The following FHIT variants were observed in gnomAD, a reference collection of about 807,000 sequenced individuals.
FHIT encodes fragile histidine triad diadenosine triphosphatase, also known as bis(5'-adenosyl)-triphosphatase.
FHIT carries 19 observed loss-of-function variants against 17.9 expected under a neutral mutation model. The ratio of observed to expected loss-of-function variants is 1.06; its 90% CI spans 0.74 to 1.56. FHIT has a LOEUF of 1.56. Among genes scored for constraint, FHIT ranks in the 40% most tolerant of loss-of-function variants. The pLI is 0.00. For synonymous variants in FHIT, 81 were observed against 69.7 expected (o/e 1.16, Z -0.81); for missense variants, 248 against 189.2 (o/e 1.31, Z -1.82).
intron 3 of FHIT, among the ~76,000 whole-genome samples, chr3:60,920,998 T>A (rs749799451): frequency 6.6e-6 from 1 of 152,210 alleles, no homozygotes; most frequent in African/African-American, 2.4e-5. Flanking sequence ...TGTATAAGTA[T>A]AGGTTCATTT....
Position 59,877,512 on chromosome 3 carries a change from A to T in FHIT, c.348+44834T>A, listed in dbSNP as rs538483807. On this transcript the variant is annotated intron_variant, in intron 8 of 9. Coordinates refer to ENST00000492590, the MANE Select transcript of FHIT (RefSeq NM_002012.4). ...TCCATAGCATAAAGTGACAAGTGAC[A>T]GGAGGGACAGGCTTGTGGGACATGT... is the stretch of plus-strand genomic sequence containing the variant. 2.0e-5 allele frequency among the ~76,000 whole-genome samples: 3 copies of T among 152,314 alleles called. No individual in the cohort carries two copies. The East Asian group carries it at 5.8e-4, about 29-fold the overall frequency.
intron 2 of FHIT, among the ~76,000 whole-genome samples, chr3:61,147,484 A>C (rs2037259281): frequency 6.6e-6 from 1 of 151,954 alleles, no homozygotes; most frequent in African/African-American, 2.4e-5. Context: ...TTCTGCAAGG[A>C]ATCTTGGGAT....
chr3:60,979,029 A>G (rs1204875439), intron 3 of FHIT, among the ~76,000 whole-genome samples: 5 of 152,204 alleles, frequency 3.3e-5, no homozygotes, highest in Non-Finnish European at 7.3e-5. Context: ...ATTTCTTGCT[A>G]TATCAAATGA....
chr3:60,778,754 A>G (rs1553725073), intron 4 of FHIT, among the ~76,000 whole-genome samples: 1 of 152,216 alleles, frequency 6.6e-6, no homozygotes, highest in Admixed American at 6.5e-5. Context: ...GCAGCAGGAC[A>G]CATTTGGAGA....
chr3:59,892,061 A>G (rs771207058), intron 8 of FHIT, among the ~76,000 whole-genome samples: 3 of 152,242 alleles, frequency 2.0e-5, no homozygotes, highest in Non-Finnish European at 4.4e-5. Context: ...CTATAACTCA[A>G]TTTAGCCAAG....
chr3:61,088,046 C>T (rs932314949), intron 2 of FHIT, among the ~76,000 whole-genome samples: 7 of 152,048 alleles, frequency 4.6e-5, no homozygotes, highest in Admixed American at 4.6e-4. Flanking sequence ...CTACTTTTTG[C>T]TTTCAATTCA....
chr3:60,741,609 C>T (rs2042243218), intron 4 of FHIT, among the ~76,000 whole-genome samples: 1 of 152,188 alleles, frequency 6.6e-6, no homozygotes, highest in Admixed American at 6.5e-5. Context: ...TGTAACATTC[C>T]CCCCAGGCAC....
intron 5 of FHIT, among the ~76,000 whole-genome samples, chr3:60,075,513 T>A (rs1387972968): frequency 6.6e-6 from 1 of 152,154 alleles, no homozygotes; most frequent in Non-Finnish European, 1.5e-5. Context: ...AAAATGATAT[T>A]TCTCAAAGCA....
intron 8 of FHIT, among the ~76,000 whole-genome samples, chr3:59,856,137 G>C (rs923804126): frequency 3.3e-5 from 5 of 152,106 alleles, no homozygotes; most frequent in Non-Finnish European, 5.9e-5. Context: ...GAATGAAAAA[G>C]TGAATATTTA....
chr3:60,842,690 C>A, intron 3 of FHIT, among the ~76,000 whole-genome samples: 1 of 137,874 alleles, frequency 7.3e-6, no homozygotes, highest in Non-Finnish European at 1.5e-5. Flanking sequence ...GGAGACAGGC[C>A]TTTAAAAAAT....
intron 5 of FHIT, among the ~76,000 whole-genome samples, chr3:60,476,764 G>A (rs150440867): frequency 3.7e-4 from 57 of 152,178 alleles, no homozygotes; most frequent in African/African-American, 8.4e-4. Context: ...GGCGCAGAAC[G>A]GGAATGTGAA....
chr3:60,429,639 C>T (rs1289177517), intron 5 of FHIT, among the ~76,000 whole-genome samples: 2 of 152,002 alleles, frequency 1.3e-5, no homozygotes, highest in Non-Finnish European at 2.9e-5. Flanking sequence ...TAATAAGGCT[C>T]TGCAGGGTGA....
chr3:60,109,228 C>A (rs1238440970), intron 5 of FHIT, among the ~76,000 whole-genome samples: 1 of 152,090 alleles, frequency 6.6e-6, no homozygotes, highest in Non-Finnish European at 1.5e-5. Context: ...TAAAATGGGC[C>A]TGATTTTCTA....
At chr3:61,059,039 G>A in intron 2 of FHIT, among the ~76,000 whole-genome samples, 1 of 152,118 alleles carries the variant, frequency 6.6e-6, no homozygotes, top group Non-Finnish European at 1.5e-5. Context: ...TCACATAATT[G>A]TTTATTCCTC....
intron 5 of FHIT, among the ~76,000 whole-genome samples, chr3:60,434,766 G>A (rs2030059632): frequency 6.6e-6 from 1 of 151,846 alleles, no homozygotes. Flanking sequence ...TAATTATTTT[G>A]AAACATTTTA....
chr3:60,014,513 C>CA (rs1700267793), intron 5 of FHIT, among the ~76,000 whole-genome samples: 1 of 152,190 alleles, frequency 6.6e-6, no homozygotes, highest in Admixed American at 6.5e-5. Flanking sequence ...CTTCAGCAGC[C>CA]AAAGGCACTA....
chr3:59,873,272 G>T (rs1703003080), intron 8 of FHIT, among the ~76,000 whole-genome samples: 1 of 152,144 alleles, frequency 6.6e-6, no homozygotes, highest in African/African-American at 2.4e-5. Flanking sequence ...CAGGCACATG[G>T]TGGCTATTCA....
chr3:60,285,732 C>T (rs921866587), intron 5 of FHIT, among the ~76,000 whole-genome samples: 1 of 152,156 alleles, frequency 6.6e-6, no homozygotes, highest in Non-Finnish European at 1.5e-5. Context: ...GAGATCTTGG[C>T]TGAGACTGTC....
chr3:60,083,630 G>C (rs541867247), intron 5 of FHIT, among the ~76,000 whole-genome samples: 15 of 152,304 alleles, frequency 9.8e-5, no homozygotes, highest in African/African-American at 3.6e-4. Context: ...CAAGAAGACA[G>C]AGATAGACTG....
Sources: gnomAD v4.1 joint callset for allele counts (sites outside exome capture counted in the v4.1 genomes callset) on GRCh38, gnomAD v4.1.1 for gene constraint, MANE v1.5 for transcripts, NCBI Gene and HGNC (gene_info 2026-07-23, HGNC 2026-07-21) for gene names.